The following LGALS4 variants were observed in gnomAD, a reference collection of about 807,000 sequenced individuals.
LGALS4 encodes galectin 4, also known as galectin-4.
In LGALS4, 37 loss-of-function variants were observed where a neutral mutation model predicts 39.6. The observed-to-expected ratio is 0.93, with a 90% CI of 0.72 to 1.23. The LOEUF is 1.23. Ranked by LOEUF, LGALS4 falls within the 50% of genes most tolerant of loss-of-function variation. The pLI is 0.00. For synonymous variants in LGALS4, 160 were observed against 165.5 expected (o/e 0.97, Z 0.25); for missense variants, 397 against 433.2 (o/e 0.92, Z 0.74).
intron 3 of LGALS4, among the ~76,000 whole-genome samples, chr19:38,807,322 G>A (rs1301438753): frequency 6.6e-6 from 1 of 151,606 alleles, no homozygotes; most frequent in Non-Finnish European, 1.5e-5. Flanking sequence ...TGAGCTGTTT[G>A]CATCACTGCA....
chr19:38,802,056 C>G lies in LGALS4; in HGVS notation c.761G>C (p.Gly254Ala), dbSNP rs1197260705. ...CTTCTTCTCCTCGGATCCCCACGAG[C>G]CATTCAGAAGGCTGTTCCGGACCAC... ...GTVVRNSLLN[G>A]SWGSEEKKIT... Residue 254 changes from glycine (G) to alanine (A), a missense_variant, in exon 9 of 10, where the codon GGC becomes GCC. Gly to Ala is a moderately conservative substitution (Grantham distance 60). Transcript: ENST00000307751. 6.2e-7 allele frequency: 1 copy of G among 1,614,220 alleles called. No individual in the cohort carries two copies. The highest frequency in any genetic ancestry group is 8.5e-7 in the Non-Finnish European group (1 of 1,180,044).
intron 3 of LGALS4, 100 bp downstream of exon 3, chr19:38,808,640 AAAAG>A (rs1555720049): frequency 1.8e-5 from 14 of 774,146 alleles, no homozygotes; most frequent in Admixed American, 1.0e-4. Flanking sequence ...AAAAAAAAAA[AAAAG>A]AAAGAAAGAA....
At chr19:38,804,169 C>T (rs535128762) in intron 4 of LGALS4, among the ~76,000 whole-genome samples, 49 of 152,304 alleles carry the variant, frequency 3.2e-4, no homozygotes, top group African/African-American at 1.1e-3. Flanking sequence ...CCTGCTGTCC[C>T]GGGGCCCTCA....
At chr19:38,805,667 C>A (rs1188932837) in intron 4 of LGALS4, among the ~76,000 whole-genome samples, 2 of 152,186 alleles carry the variant, frequency 1.3e-5, no homozygotes, top group Non-Finnish European at 2.9e-5. Context: ...AGGGCCTCCC[C>A]ATCCCGGCCT....
chr19:38,809,016 G>A (rs1971459269), intron 2 of LGALS4, 68 bp from the exon 3 acceptor site: 3 of 1,367,712 alleles, frequency 2.2e-6, no homozygotes, highest in South Asian at 2.7e-5. Context: ...CCTCCAGGAA[G>A]CCCTCTCCCT....
At chr19:38,810,153 C>T (rs189000741) in intron 2 of LGALS4, among the ~76,000 whole-genome samples, 1 of 152,188 alleles carries the variant, frequency 6.6e-6, no homozygotes, top group East Asian at 1.9e-4. Context: ...CAGGCCTTCT[C>T]TGGCCACCTT....
intron 2 of LGALS4, among the ~76,000 whole-genome samples, chr19:38,810,773 G>A (rs370066711): frequency 7.2e-5 from 11 of 151,734 alleles, no homozygotes; most frequent in East Asian, 1.9e-4. Flanking sequence ...CACCATGCCC[G>A]GCCAGGCCAC....
At chr19:38,802,997 CTTTTCTTTTTCTTTTTTTTTTTTTTTTTT>C (rs1971376511) in intron 7 of LGALS4, 1 of 98,258 alleles carries the variant, frequency 1.0e-5, no homozygotes, top group Non-Finnish European at 2.0e-5. Context: ...TTTTCTTTTT[CTTTTCTTTTTCTTTTTTTTTTTTTTTTTT>C]TTTTTTTGAG....
In LGALS4 at chr19:38,810,257, G is replaced by A. The variant is rs528585142; in HGVS notation, c.135-1309C>T. On this transcript the variant is annotated intron_variant, in intron 2 of 9. Coordinates refer to ENST00000307751, the MANE Select transcript of LGALS4 (RefSeq NM_006149.4). ...TGCAAACTCTGCCTTCAGGATTCAA[G>A]TGATTCTCCCACATCAGGCTCTCAA... Among the ~76,000 whole-genome samples, 4 of 151,390 alleles carry A rather than the reference G, an allele frequency of 2.6e-5. No individual in the cohort carries two copies. The East Asian group carries it at 5.9e-4, about 22-fold the overall frequency.
At chr19:38,803,211 C>T in intron 7 of LGALS4, 1 of 394,978 alleles carries the variant, frequency 2.5e-6, no homozygotes, top group Non-Finnish European at 4.6e-6. Flanking sequence ...GACAGAGTTT[C>T]ACTATGCTGG....
At chr19:38,809,076 G>T in intron 2 of LGALS4, 128 bp from the exon 3 acceptor site, 1 of 739,338 alleles carries the variant, frequency 1.4e-6, no homozygotes, top group Non-Finnish European at 2.2e-6. Context: ...CCAGCTCTGA[G>T]GGGCAACCTT....
At chr19:38,810,665 T>A (rs1971482657) in intron 2 of LGALS4, among the ~76,000 whole-genome samples, 1 of 151,940 alleles carries the variant, frequency 6.6e-6, no homozygotes, top group African/African-American at 2.4e-5. Flanking sequence ...CCCAGCCAGA[T>A]GCGATTTTGC....
chr19:38,802,425 G>T (rs771645084), intron 7 of LGALS4, 21 bp from the exon 8 acceptor site: 4 of 1,578,552 alleles, frequency 2.5e-6, no homozygotes, highest in East Asian at 2.2e-5. Context: ...AGAACGGGGG[G>T]TCCCATTCTC....
chr19:38,812,399 G>C, intron 2 of LGALS4, 32 bp downstream of exon 2: 1 of 1,598,956 alleles, frequency 6.3e-7, no homozygotes, highest in South Asian at 1.1e-5. Context: ...GAAGTCCCCT[G>C]CCAGCCCGGC....
chr19:38,806,354 T>G (rs1971421014), intron 4 of LGALS4, 107 bp downstream of exon 4: 1 of 1,271,752 alleles, frequency 7.9e-7, no homozygotes, highest in African/African-American at 1.6e-5. Context: ...GGCGACAGAG[T>G]GAGACTCCGT....
intron 2 of LGALS4, among the ~76,000 whole-genome samples, chr19:38,811,752 G>A (rs562766676): frequency 4.6e-5 from 7 of 151,750 alleles, no homozygotes; most frequent in East Asian, 3.9e-4. Flanking sequence ...AGTGGCTCAC[G>A]CCTGTAATCC....
intron 2 of LGALS4, 152 bp downstream of exon 2, chr19:38,812,279 G>GC (rs1293936883): frequency 1.5e-6 from 1 of 646,280 alleles, no homozygotes; most frequent in African/African-American, 1.8e-5. Context: ...CTCCTGATCT[G>GC]CCCCAGATTC....
chr19:38,809,644 C>CTTTT (rs66473176), intron 2 of LGALS4, among the ~76,000 whole-genome samples: 9 of 74,518 alleles, frequency 1.2e-4, no homozygotes, highest in Non-Finnish European at 1.9e-4. Context: ...CTATGCCTGG[C>CTTTT]TTTTTTTTTT....
At chr19:38,805,706 C>T (rs2145355491) in intron 4 of LGALS4, among the ~76,000 whole-genome samples, 1 of 152,272 alleles carries the variant, frequency 6.6e-6, no homozygotes, top group Non-Finnish European at 1.5e-5. Context: ...GGTCTGTCTT[C>T]CCAGTGGGAT....
Sources: gnomAD v4.1 joint callset for allele counts (sites outside exome capture counted in the v4.1 genomes callset) on GRCh38, gnomAD v4.1.1 for gene constraint, MANE v1.5 for transcripts, NCBI Gene and HGNC (gene_info 2026-07-23, HGNC 2026-07-21) for gene names.